CNTLN: variants seen among roughly 807,000 people sequenced by gnomAD.
The protein encoded by CNTLN is centlein, centrosomal protein.
A neutral mutation model predicts 180.0 loss-of-function variants in CNTLN; 212 were observed. The observed-to-expected ratio is 1.18, with a 90% CI of 1.05 to 1.32. CNTLN has a LOEUF of 1.32. CNTLN is among the 40% of genes most tolerant of loss of function. CNTLN has a pLI of 0.00. For missense variants in CNTLN, 2,095 were observed against 1,610.9 expected, an observed-to-expected ratio of 1.30 and a Z score of -5.14; for synonymous variants, 722 against 563.1, an observed-to-expected ratio of 1.28 and a Z score of -3.99.
At chr9:17,392,512 C>T (rs1826189606) in intron 14 of CNTLN, among the ~76,000 whole-genome samples, 1 of 151,950 alleles carries the variant, frequency 6.6e-6, no homozygotes, top group South Asian at 2.1e-4. Flanking sequence ...TTAATCAGCT[C>T]CCCAATAAAG....
chr9:17,273,644 C>A, intron 5 of CNTLN, 89 bp from the exon 6 acceptor site: 1 of 672,002 alleles, frequency 1.5e-6, no homozygotes, highest in Non-Finnish European at 2.3e-6. Flanking sequence ...TTTTCTCTGT[C>A]ATTTTGTAGA....
At position 17,203,552 on chromosome 9, in the gene CNTLN, TTTTG is replaced by T. The variant is rs537276321; in HGVS notation, c.450-22635_450-22632del. Among the ~76,000 whole-genome samples the T allele has an allele frequency of 1.9e-4, 29 of 152,002 alleles. No homozygotes were observed. In the East Asian group the frequency reaches 3.5e-3, roughly 18 times the overall value. ...TCCTTTTAATTCTTTTTTGGTTTGT[TTTTG>T]TTTGTTTGTTTGTTTTTTGAGACAG... On this transcript the variant is annotated intron_variant, in intron 2 of 25. Transcript: ENST00000380647.
At chr9:17,294,841 GGGAGGGCGGGGAGGAGGGA>G (rs1205737379) in intron 6 of CNTLN, among the ~76,000 whole-genome samples, 2 of 36,144 alleles carry the variant, frequency 5.5e-5, no homozygotes, top group African/African-American at 1.5e-4. Flanking sequence ...GGGAGGAGGG[GGGAGGGCGGGGAGGAGGGA>G]GGAGGGCGGA....
chr9:17,142,516 A>G (rs1008417333), intron 1 of CNTLN, among the ~76,000 whole-genome samples: 75 of 152,174 alleles, frequency 4.9e-4, no homozygotes, highest in African/African-American at 1.8e-3. Flanking sequence ...ATTATTGAAT[A>G]TGCAGTTGGA....
chr9:17,236,896 A>C (rs1168120117), intron 5 of CNTLN, among the ~76,000 whole-genome samples: 1 of 152,200 alleles, frequency 6.6e-6, no homozygotes, highest in Non-Finnish European at 1.5e-5. Context: ...CTTAAGGCTT[A>C]AGCTTACAAA....
At chr9:17,319,745 A>G (rs1029668380) in intron 8 of CNTLN, among the ~76,000 whole-genome samples, 2 of 152,226 alleles carry the variant, frequency 1.3e-5, no homozygotes, top group Non-Finnish European at 2.9e-5. Flanking sequence ...AATAAATGTT[A>G]GCTCTTAATT....
At chr9:17,342,562 A>C (rs1587712232) in intron 12 of CNTLN, 118 bp downstream of exon 12, 1 of 935,618 alleles carries the variant, frequency 1.1e-6, no homozygotes, top group Admixed American at 3.4e-5. Flanking sequence ...ATTTTTGCCA[A>C]TAAAAGTAAA....
chr9:17,214,155 G>A (rs1382826854), intron 2 of CNTLN, among the ~76,000 whole-genome samples: 1 of 152,090 alleles, frequency 6.6e-6, no homozygotes, highest in Non-Finnish European at 1.5e-5. Context: ...AGCCTCGATG[G>A]TCTTTACACT....
At chr9:17,159,406 A>C (rs906997113) in intron 2 of CNTLN, among the ~76,000 whole-genome samples, 1 of 152,104 alleles carries the variant, frequency 6.6e-6, no homozygotes. Flanking sequence ...CAACTCTAGG[A>C]GCTGATTGCT....
At chr9:17,441,751 G>C (rs1478544700) in intron 18 of CNTLN, among the ~76,000 whole-genome samples, 1 of 152,068 alleles carries the variant, frequency 6.6e-6, no homozygotes, top group African/African-American at 2.4e-5. Context: ...AAGAGATGGA[G>C]AGTTGCCGAA....
chr9:17,512,880 G>A, the CNTLN span, among the ~76,000 whole-genome samples: 18 of 152,060 alleles, frequency 1.2e-4, no homozygotes, highest in East Asian at 3.9e-4. Flanking sequence ...GTGGTGGCGC[G>A]ATCTCAGCTC....
the CNTLN span, among the ~76,000 whole-genome samples, chr9:17,516,823 G>A: frequency 6.6e-6 from 1 of 152,138 alleles, no homozygotes; most frequent in African/African-American, 2.4e-5. Context: ...CCCAACAACA[G>A]CAAGAACTTG....
chr9:17,273,866 G>T lies in CNTLN; in HGVS notation c.983G>T (p.Arg328Met). The T allele has an allele frequency of 6.5e-7, 1 of 1,542,776 alleles. No homozygotes were observed. The highest frequency in any genetic ancestry group is 8.7e-7 in the Non-Finnish European group (1 of 1,150,256). Residue 328 changes from arginine to methionine, a missense_variant and splice_region_variant, in exon 6 of 26, where the codon AGG becomes ATG. Coordinates refer to ENST00000380647, the MANE Select transcript of CNTLN (RefSeq NM_017738.4). ...IQKDMDITLVRKELQELQNLY... is the reference protein window; with the variant it reads ...IQKDMDITLVMKELQELQNLY... ...AAGGATATGGATATTACCCTGGTCA[G>T]GCAAGTATATTCAATTTTTAATTTA...
chr9:17,440,420 A>C (rs1191344722), intron 18 of CNTLN, among the ~76,000 whole-genome samples: 2 of 134,394 alleles, frequency 1.5e-5, no homozygotes, highest in Non-Finnish European at 3.2e-5. Context: ...AAAATAAAAT[A>C]CAAAAAAAAA....
intron 18 of CNTLN, chr9:17,448,128 T>C: frequency 4.9e-6 from 1 of 205,148 alleles, no homozygotes. Context: ...CTTCATTGTT[T>C]CCAACCATGG....
chr9:17,398,384 G>C (rs1202846807), intron 15 of CNTLN, among the ~76,000 whole-genome samples: 1 of 152,120 alleles, frequency 6.6e-6, no homozygotes, highest in Admixed American at 6.5e-5. Context: ...CTTCAAAGCA[G>C]TATTTTTAGA....
At chr9:17,298,648 C>T in intron 7 of CNTLN, 3 of 1,034,942 alleles carry the variant, frequency 2.9e-6, no homozygotes, top group Non-Finnish European at 3.5e-6. Flanking sequence ...GGAGTATAGT[C>T]TCAAAACTGG....
At chr9:17,177,679 G>T (rs1663920597) in intron 2 of CNTLN, among the ~76,000 whole-genome samples, 1 of 152,018 alleles carries the variant, frequency 6.6e-6, no homozygotes, top group Non-Finnish European at 1.5e-5. Context: ...CACATCCGGA[G>T]TTGTTCGTTC....
At chr9:17,143,184 A>G in intron 1 of CNTLN, 104 bp from the exon 2 acceptor site, 1 of 753,050 alleles carries the variant, frequency 1.3e-6, no homozygotes, top group Non-Finnish European at 2.2e-6. Flanking sequence ...TAGTTATACA[A>G]CTAGGGATCA....
Sources: allele counts gnomAD v4.1 joint callset (sites outside exome capture counted in the v4.1 genomes callset), GRCh38; gene constraint gnomAD v4.1.1; transcripts MANE v1.5; gene names NCBI Gene and HGNC (gene_info 2026-07-23, HGNC 2026-07-21).